Variants in RAPGEF6 observed in about 807,000 individuals in gnomAD.
RAPGEF6 encodes Rap guanine nucleotide exchange factor 6.
In RAPGEF6, 56 loss-of-function variants were observed where a neutral mutation model predicts 171.4. The observed-to-expected ratio is 0.33, with a 90% CI of 0.26 to 0.41. RAPGEF6 has a LOEUF of 0.41. Ranked by LOEUF, RAPGEF6 falls within the 10% of genes least tolerant of loss-of-function variation. The pLI is 1.00. For missense variants in RAPGEF6, 1,674 were observed against 1,921.4 expected (o/e 0.87, Z 2.41); for synonymous variants, 692 against 650.1 (o/e 1.06, Z -0.98).
rs778631667 is a variant in RAPGEF6, at chr5:131,439,715, T to C, written c.3611A>G (p.Asn1204Ser). 2 of 1,608,938 alleles carry C rather than the reference T, an allele frequency of 1.2e-6. No homozygotes were observed. Among genetic ancestry groups the C allele is most frequent in the Admixed American group, 1.7e-5 (1 of 59,354 alleles). ...KKGQTKDPALNTSLPQKVLGT... is the reference protein window; with the variant it reads ...KKGQTKDPALSTSLPQKVLGT... ...TAAAACTTTCTGAGGTAAACTTGTA[T>C]CTAAAAATAAAACCAAAGATGCAAA... The change falls in exon 24 of 28, where the codon AAT becomes AGT. Residue 1204 changes from asparagine to serine, a missense_variant and splice_region_variant. Asn to Ser is a conservative substitution (Grantham distance 46). This residue lies in a region of RAPGEF6 where 552 missense variants were observed against 574.2 expected (regional missense o/e 0.96). Transcript: ENST00000509018.
chr5:131,498,831 A>G (rs1285516272), intron 11 of RAPGEF6, among the ~76,000 whole-genome samples: 6 of 152,214 alleles, frequency 3.9e-5, no homozygotes, highest in African/African-American at 1.4e-4. Context: ...TAAATAGCCA[A>G]CAGCACTCAC....
intron 6 of RAPGEF6, 137 bp downstream of exon 6, chr5:131,547,910 A>C: frequency 1.1e-6 from 1 of 877,598 alleles, no homozygotes; most frequent in Non-Finnish European, 1.7e-6. Flanking sequence ...AAGCATTTAA[A>C]AAGATTATAT....
intron 6 of RAPGEF6, among the ~76,000 whole-genome samples, chr5:131,534,278 A>G (rs1192846153): frequency 3.3e-5 from 5 of 152,134 alleles, no homozygotes; most frequent in Non-Finnish European, 7.4e-5. Flanking sequence ...AAGTTCTTCA[A>G]TATCTTTGAG....
intron 3 of RAPGEF6, among the ~76,000 whole-genome samples, chr5:131,597,602 G>A (rs758366909): frequency 1.5e-4 from 23 of 152,150 alleles, no homozygotes; most frequent in Non-Finnish European, 2.6e-4. Flanking sequence ...GACAGACATA[G>A]AGAGGCAAAT....
chr5:131,602,260 C>T (rs1764302859), intron 3 of RAPGEF6, among the ~76,000 whole-genome samples: 1 of 152,046 alleles, frequency 6.6e-6, no homozygotes, highest in Non-Finnish European at 1.5e-5. Flanking sequence ...ATGGTATAGC[C>T]TATTGCTCCT....
chr5:131,483,385 A>G (rs1025987823), intron 15 of RAPGEF6, among the ~76,000 whole-genome samples: 19 of 151,540 alleles, frequency 1.3e-4, no homozygotes, highest in Admixed American at 2.0e-4. Flanking sequence ...TCTCCACTGG[A>G]CATGAGTATG....
intron 22 of RAPGEF6, among the ~76,000 whole-genome samples, 171 bp downstream of exon 22, chr5:131,446,312 G>A (rs956730252): frequency 2.6e-5 from 4 of 152,220 alleles, no homozygotes; most frequent in Admixed American, 1.3e-4. Context: ...TAGCCATCAG[G>A]AATGGATGGG....
At chr5:131,523,750 A>C (rs566134857) in intron 6 of RAPGEF6, among the ~76,000 whole-genome samples, 75 of 152,192 alleles carry the variant, frequency 4.9e-4, no homozygotes, top group African/African-American at 1.7e-3. Context: ...AAAAGATCTA[A>C]AGTCACAGAT....
At chr5:131,587,931 A>G (rs1763353674) in intron 4 of RAPGEF6, among the ~76,000 whole-genome samples, 1 of 152,018 alleles carries the variant, frequency 6.6e-6, no homozygotes, top group South Asian at 2.1e-4. Context: ...GTCTGTTTAG[A>G]GTAAAGATCT....
intron 3 of RAPGEF6, among the ~76,000 whole-genome samples, chr5:131,602,469 AT>A (rs1764315433): frequency 6.6e-6 from 1 of 152,128 alleles, no homozygotes. Context: ...AATACTAAAA[AT>A]TAGAAATTGG....
At chr5:131,600,574 AGAGAGGAGAG>A in intron 3 of RAPGEF6, among the ~76,000 whole-genome samples, 1 of 124,328 alleles carries the variant, frequency 8.0e-6, no homozygotes, top group Admixed American at 8.3e-5. Flanking sequence ...GGGAGGGAAA[AGAGAGGAGAG>A]GAGAGGGGAG....
intron 7 of RAPGEF6, among the ~76,000 whole-genome samples, chr5:131,520,886 G>T (rs1758432144): frequency 6.6e-6 from 1 of 152,122 alleles, no homozygotes; most frequent in Admixed American, 6.5e-5. Flanking sequence ...AGCTCAGTAG[G>T]TTTGAAATTG....
At chr5:131,458,637 T>C (rs1269462040) in intron 19 of RAPGEF6, among the ~76,000 whole-genome samples, 2 of 152,216 alleles carry the variant, frequency 1.3e-5, no homozygotes, top group Non-Finnish European at 2.9e-5. Context: ...GTAATCTCAA[T>C]GAAAACATCA....
intron 23 of RAPGEF6, chr5:131,440,259 T>C (rs992463744): frequency 4.4e-6 from 2 of 455,972 alleles, no homozygotes; most frequent in African/African-American, 2.0e-5. Context: ...ACAGAAAAAA[T>C]CATGAATGTA....
At chr5:131,570,452 T>C (rs544976026) in intron 4 of RAPGEF6, among the ~76,000 whole-genome samples, 2 of 152,346 alleles carry the variant, frequency 1.3e-5, no homozygotes, top group Admixed American at 1.3e-4. Context: ...TACTCCTGCA[T>C]ATCTATAATA....
chr5:131,476,356 C>A (rs78235696), intron 16 of RAPGEF6, among the ~76,000 whole-genome samples: 11,616 of 152,212 alleles, frequency 0.076, 607 homozygotes, highest in East Asian at 0.2. Context: ...GAGGCTGAGG[C>A]GCGTGGATCA....
chr5:131,473,760 T>C (rs1754908780), intron 16 of RAPGEF6, among the ~76,000 whole-genome samples: 1 of 152,166 alleles, frequency 6.6e-6, no homozygotes, highest in African/African-American at 2.4e-5. Context: ...ATGAAATACA[T>C]TTAAATTACA....
In RAPGEF6 at chr5:131,425,155, G is replaced by T. The variant is rs937106701; in HGVS notation, c.*2111C>A. 1 of 152,334 alleles carries T rather than the reference G, an allele frequency of 6.6e-6. No individual in the cohort carries two copies. The highest frequency in any genetic ancestry group is 2.1e-4 in the South Asian group (1 of 4,832). The allele number at this position is 152,334 out of a possible 1,614,324, so 9.4% of individuals were successfully genotyped here. ...GATAAAACAAAGGCAGCTGTAAGGT[G>T]CAAGTCCAAAACCATAGGCCTCAAC... On this transcript the variant is annotated 3_prime_UTR_variant, in exon 28 of 28. Transcript: ENST00000509018.
At chr5:131,432,781 T>C (rs1406973719) in intron 25 of RAPGEF6, among the ~76,000 whole-genome samples, 2 of 152,222 alleles carry the variant, frequency 1.3e-5, no homozygotes, top group Admixed American at 6.5e-5. Context: ...GTAACTTTTA[T>C]AGAAAACATT....
Sources: allele counts gnomAD v4.1 joint callset (sites outside exome capture counted in the v4.1 genomes callset), GRCh38; gene constraint gnomAD v4.1.1; regional missense constraint gnomAD v4.1.1; transcripts MANE v1.5; gene names NCBI Gene and HGNC (gene_info 2026-07-23, HGNC 2026-07-21).